Variants in ANKUB1 observed in about 807,000 individuals in gnomAD.
ANKUB1 encodes ankyrin repeat and ubiquitin domain containing 1.
ANKUB1 carries 42 observed loss-of-function variants against 49.3 expected under a neutral mutation model. That is an observed-to-expected ratio of 0.85 (90% confidence interval 0.67 to 1.10). ANKUB1 has a LOEUF of 1.10. Among genes scored for constraint, ANKUB1 ranks in the 50% least tolerant of loss-of-function variants. The pLI, the probability that ANKUB1 is intolerant of heterozygous loss-of-function variation, is 0.00. For synonymous variants in ANKUB1, 222 were observed against 231.0 expected (o/e 0.96, Z 0.35); for missense variants, 613 against 642.0 (o/e 0.95, Z 0.49).
intron 3 of ANKUB1, among the ~76,000 whole-genome samples, chr3:149,778,005 C>G (rs1306313042): frequency 6.6e-6 from 1 of 152,206 alleles, no homozygotes; most frequent in Admixed American, 6.5e-5. Context: ...CAAGGTTCAA[C>G]TCCTGATAGC....
chr3:149,775,138 C>T (rs1717535407), intron 3 of ANKUB1, among the ~76,000 whole-genome samples: 1 of 152,184 alleles, frequency 6.6e-6, no homozygotes, highest in African/African-American at 2.4e-5. Context: ...ATGGGAGCAA[C>T]AGTGCCTATT....
At chr3:149,790,076 T>C (rs1004957288) in intron 2 of ANKUB1, among the ~76,000 whole-genome samples, 27 of 152,192 alleles carry the variant, frequency 1.8e-4, no homozygotes, top group African/African-American at 6.3e-4. Context: ...TTATATACGG[T>C]AAAGCACTAA....
intron 2 of ANKUB1, 96 bp from the exon 3 acceptor site, chr3:149,780,551 C>G (rs1717817585): frequency 1.2e-6 from 1 of 861,322 alleles, no homozygotes; most frequent in Non-Finnish European, 1.9e-6. Flanking sequence ...AGCTCCACGA[C>G]ATGGGTGTTA....
chr3:149,770,793 A>G, intron 3 of ANKUB1, 119 bp from the exon 4 acceptor site: 1 of 629,388 alleles, frequency 1.6e-6, no homozygotes, highest in Non-Finnish European at 2.7e-6. Context: ...AATGAAAAAT[A>G]ACCTTGGAAC....
At chr3:149,778,430 G>T (rs577685957) in intron 3 of ANKUB1, 1 of 152,072 alleles carries the variant, frequency 6.6e-6, no homozygotes, top group East Asian at 1.9e-4. Context: ...GTTGGGGTTG[G>T]GTCAATTCAA....
At chr3:149,763,697 C>A (rs1716869419) in intron 5 of ANKUB1, among the ~76,000 whole-genome samples, 1 of 152,178 alleles carries the variant, frequency 6.6e-6, no homozygotes, top group South Asian at 2.1e-4. Context: ...ATTTTCTAGA[C>A]ACACCTTACA....
intron 5 of ANKUB1, 75 bp from the exon 6 acceptor site, chr3:149,761,688 C>A: frequency 6.8e-6 from 10 of 1,465,636 alleles, no homozygotes; most frequent in Non-Finnish European, 9.1e-6. Flanking sequence ...GGATGGAAAT[C>A]TTCAGGTTGA....
At chr3:149,764,586 C>CTCT (rs1716917885) in intron 5 of ANKUB1, among the ~76,000 whole-genome samples, 1 of 136,582 alleles carries the variant, frequency 7.3e-6, no homozygotes, top group Admixed American at 7.2e-5. Context: ...CTCCCTCCCT[C>CTCT]CCTCCCTTCC....
intron 3 of ANKUB1, among the ~76,000 whole-genome samples, chr3:149,776,354 A>G (rs923037208): frequency 1.3e-5 from 2 of 152,102 alleles, no homozygotes; most frequent in African/African-American, 4.8e-5. Context: ...CCCTTAAGAC[A>G]TTCCTCTCTA....
chr3:149,765,226 G>A (rs1716961267), intron 5 of ANKUB1, among the ~76,000 whole-genome samples: 1 of 152,148 alleles, frequency 6.6e-6, no homozygotes, highest in South Asian at 2.1e-4. Context: ...AAAGGTATAT[G>A]CCATATGTGC....
chr3:149,787,616 A>T (rs1341004249), intron 2 of ANKUB1, among the ~76,000 whole-genome samples: 1 of 152,178 alleles, frequency 6.6e-6, no homozygotes, highest in Non-Finnish European at 1.5e-5. Context: ...GTTGAATAGG[A>T]GTGGTGAGAA....
chr3:149,782,550 T>C lies in ANKUB1; in HGVS notation c.235-2095A>G, dbSNP rs1469337938. Among the ~76,000 whole-genome samples the C allele has an allele frequency of 2.6e-5, 4 of 151,780 alleles. No homozygotes were observed. The East Asian group carries it at 5.8e-4, about 22-fold the overall frequency. ...AGTAATAAGGGAGAACTGCAAAATA[T>C]CTGGCAATTTTTTTGAGATAGGGTC... On this transcript the variant is annotated intron_variant, in intron 2 of 5. Coordinates refer to ENST00000446160, the MANE Select transcript of ANKUB1 (RefSeq NM_001144960.3).
chr3:149,771,027 T>A (rs1256480112), intron 3 of ANKUB1, among the ~76,000 whole-genome samples: 14 of 152,228 alleles, frequency 9.2e-5, no homozygotes, highest in Non-Finnish European at 2.1e-4. Flanking sequence ...CTAAGGAACC[T>A]GTGGCAGGAC....
chr3:149,785,601 T>C (rs551855053), intron 2 of ANKUB1, among the ~76,000 whole-genome samples: 1 of 152,334 alleles, frequency 6.6e-6, no homozygotes, highest in East Asian at 1.9e-4. Flanking sequence ...CATCCTTTTT[T>C]ATGGCAGCAT....
intron 5 of ANKUB1, among the ~76,000 whole-genome samples, chr3:149,765,073 A>G (rs572605944): frequency 6.6e-6 from 1 of 152,358 alleles, no homozygotes; most frequent in African/African-American, 2.4e-5. Flanking sequence ...TTAAATGTCC[A>G]TCAGTAGGAA....
chr3:149,767,151 C>A lies in ANKUB1; in HGVS notation c.1505+6G>T, dbSNP rs1310803507. 13 of 1,507,148 alleles carry A rather than the reference C, an allele frequency of 8.6e-6. No homozygotes were observed. Among genetic ancestry groups the A allele is most frequent in the Non-Finnish European group, 1.2e-5 (13 of 1,128,336 alleles). 93.4% of individuals were successfully genotyped at this position (1,507,148 alleles called of 1,614,324 possible). A position where few individuals can be genotyped will look rare whatever the true frequency, so the allele number is the denominator to read the frequency against. ...GCTGTTTGTATGTTTAAGGGGAGAA[C>A]ATTACCTTGCCACAGCTAAGCAGTA... is the stretch of plus-strand genomic sequence containing the variant. On this transcript the variant is annotated splice_donor_region_variant and intron_variant, in intron 5 of 5. Transcript: ENST00000446160.
chr3:149,770,899 T>A (rs1354647569), intron 3 of ANKUB1, among the ~76,000 whole-genome samples: 1 of 152,274 alleles, frequency 6.6e-6, no homozygotes, highest in Non-Finnish European at 1.5e-5. Flanking sequence ...TGCTCAATGA[T>A]GGCGTATAGC....
intron 2 of ANKUB1, among the ~76,000 whole-genome samples, chr3:149,786,190 C>G (rs567706063): frequency 6.6e-6 from 1 of 152,170 alleles, no homozygotes; most frequent in East Asian, 1.9e-4. Context: ...CACCCGCCAA[C>G]GCGCCCGGCT....
Position 149,761,595 on chromosome 3 carries a change from T to C in ANKUB1, c.1524A>G (p.Arg508=), listed in dbSNP as rs1248834112. 2.6e-6 allele frequency: 4 copies of C among 1,551,072 alleles called. No homozygotes were observed. The African/African-American group carries it at 5.5e-5, about 21-fold the overall frequency. Residue 508 remains arginine (R), a synonymous_variant, in exon 6 of 6, where the codon CGA becomes CGG. Transcript: ENST00000446160. ...LAVASAFKEK[R]WLQQLEIARV... Reference sequence around the variant, plus strand: ...TTGCTATTTCTAACTGCTGAAGCCATCGTTTCTCTTTAAAGGCACTGCAAG... The same window carrying C: ...TTGCTATTTCTAACTGCTGAAGCCACCGTTTCTCTTTAAAGGCACTGCAAG...
Sources: gnomAD v4.1 joint callset for allele counts (sites outside exome capture counted in the v4.1 genomes callset) on GRCh38, gnomAD v4.1.1 for gene constraint, MANE v1.5 for transcripts, NCBI Gene and HGNC (gene_info 2026-07-23, HGNC 2026-07-21) for gene names.